The following CCSER1 variants were observed in gnomAD, a reference collection of about 807,000 sequenced individuals.
CCSER1 encodes serine-rich coiled-coil domain-containing protein 1.
CCSER1 carries 41 observed loss-of-function variants against 82.0 expected under a neutral mutation model. The ratio of observed to expected loss-of-function variants is 0.50; its 90% CI spans 0.39 to 0.65. The LOEUF is 0.65. Ranked by LOEUF, CCSER1 falls within the 30% of genes least tolerant of loss-of-function variation. CCSER1 has a pLI of 0.00. For synonymous variants in CCSER1, 414 were observed against 383.9 expected (o/e 1.08, Z -0.92); for missense variants, 1,119 against 1,064.2 (o/e 1.05, Z -0.72).
At chr4:91,121,162 C>A (rs1727057217) in intron 10 of CCSER1, among the ~76,000 whole-genome samples, 1 of 151,334 alleles carries the variant, frequency 6.6e-6, no homozygotes, top group Non-Finnish European at 1.5e-5. Flanking sequence ...ATATTCATCC[C>A]TCCCCTGCTC....
intron 5 of CCSER1, among the ~76,000 whole-genome samples, chr4:90,477,484 A>G (rs1240478122): frequency 1.3e-5 from 2 of 152,224 alleles, no homozygotes; most frequent in Non-Finnish European, 2.9e-5. Flanking sequence ...ACCAGATTTA[A>G]TATCTCTTGA....
At chr4:90,630,761 G>A (rs1187178990) in intron 6 of CCSER1, among the ~76,000 whole-genome samples, 2 of 151,498 alleles carry the variant, frequency 1.3e-5, no homozygotes, top group Non-Finnish European at 2.9e-5. Context: ...CTAAATTGGA[G>A]TTTAATATCA....
rs147592126 is a variant in CCSER1, at chr4:91,583,513, G to A, written c.2218-15059G>A. On this transcript the variant is annotated intron_variant, in intron 10 of 10. Coordinates refer to ENST00000509176, the MANE Select transcript of CCSER1 (RefSeq NM_001145065.2). ...TATGATATGTTCTGAGTTAAAACAAGGTGTACTACTCTAAGGACACACGCA... is the reference window on the plus strand; with the variant it reads ...TATGATATGTTCTGAGTTAAAACAAAGTGTACTACTCTAAGGACACACGCA... Among the ~76,000 whole-genome samples, 603 of 151,310 alleles carry A rather than the reference G, an allele frequency of 4.0e-3. 8 individuals are homozygous for A. Among genetic ancestry groups the A allele is most frequent in the South Asian group, 0.021 (100 of 4,822 alleles).
chr4:91,132,868 A>G (rs950533251), intron 10 of CCSER1, among the ~76,000 whole-genome samples: 2 of 152,198 alleles, frequency 1.3e-5, no homozygotes, highest in South Asian at 4.1e-4. Flanking sequence ...GAGACTTATG[A>G]TTCCTTACTC....
intron 4 of CCSER1, among the ~76,000 whole-genome samples, chr4:90,430,338 A>G (rs780339165): frequency 4.6e-5 from 7 of 151,922 alleles, no homozygotes; most frequent in African/African-American, 9.7e-5. Context: ...AAAGAGGGCA[A>G]AACTCACTGT....
intron 10 of CCSER1, among the ~76,000 whole-genome samples, chr4:91,121,035 A>T (rs1426498071): frequency 6.6e-6 from 1 of 151,910 alleles, no homozygotes; most frequent in Non-Finnish European, 1.5e-5. Context: ...GATGTTTAAT[A>T]AAAAACATTT....
intron 6 of CCSER1, among the ~76,000 whole-genome samples, chr4:90,715,031 G>T (rs1373611205): frequency 6.6e-6 from 1 of 151,884 alleles, no homozygotes; most frequent in Non-Finnish European, 1.5e-5. Context: ...ACCATAACTT[G>T]ATGTTAGCAT....
At chr4:91,459,513 G>A (rs1400065730) in intron 10 of CCSER1, among the ~76,000 whole-genome samples, 1 of 152,126 alleles carries the variant, frequency 6.6e-6, no homozygotes, top group Non-Finnish European at 1.5e-5. Flanking sequence ...CAAGACCGAA[G>A]AGCTGTGATA....
intron 5 of CCSER1, among the ~76,000 whole-genome samples, chr4:90,623,179 C>G (rs1722665952): frequency 6.6e-6 from 1 of 151,574 alleles, no homozygotes; most frequent in Admixed American, 6.6e-5. Flanking sequence ...AGGCACCCGC[C>G]ACCACTCCCG....
chr4:91,055,447 C>G (rs2148720080), intron 9 of CCSER1, among the ~76,000 whole-genome samples: 1 of 152,076 alleles, frequency 6.6e-6, no homozygotes, highest in African/African-American at 2.4e-5. Context: ...GTTTTTCTTT[C>G]AGTATTTTAG....
In CCSER1 at chr4:91,306,937, G is replaced by A. The variant is rs114986866; in HGVS notation, c.2217+220943G>A. 2.2e-3 allele frequency among the ~76,000 whole-genome samples: 341 copies of A among 152,024 alleles called. 1 individual carries two copies. The highest frequency in any genetic ancestry group is 3.2e-3 in the Non-Finnish European group (218 of 67,904). Reference sequence around the variant, plus strand: ...ATTAAAGGCACATAATGACTGAGATGCTGGTGTCATCTAAAGAACATTCAG... The same window carrying A: ...ATTAAAGGCACATAATGACTGAGATACTGGTGTCATCTAAAGAACATTCAG... On this transcript the variant is annotated intron_variant, in intron 10 of 10. Transcript: ENST00000509176.
At chr4:90,491,381 T>C (rs1225057585) in intron 5 of CCSER1, among the ~76,000 whole-genome samples, 1 of 152,098 alleles carries the variant, frequency 6.6e-6, no homozygotes, top group Non-Finnish European at 1.5e-5. Flanking sequence ...ATCCTGAGAC[T>C]GCTGAATTTG....
chr4:90,870,372 A>G (rs1251777908), intron 8 of CCSER1, among the ~76,000 whole-genome samples: 1 of 151,830 alleles, frequency 6.6e-6, no homozygotes, highest in Admixed American at 6.6e-5. Context: ...TTTCTTATTT[A>G]CCCAGTTTTT....
rs142777706 is a variant in CCSER1, at chr4:90,670,384, G to A, written c.1932+42152G>A. On this transcript the variant is annotated intron_variant, in intron 6 of 10. Coordinates refer to ENST00000509176, the MANE Select transcript of CCSER1 (RefSeq NM_001145065.2). Reference sequence around the variant, plus strand: ...TCAGGGGAATTCACTAAAGCAAGAAGGTGGTTTTCACTGCAGTCTAGATTC... The same window carrying A: ...TCAGGGGAATTCACTAAAGCAAGAAAGTGGTTTTCACTGCAGTCTAGATTC... 7.9e-5 allele frequency among the ~76,000 whole-genome samples: 12 copies of A among 152,176 alleles called. No homozygotes were observed. The East Asian group carries it at 2.3e-3, about 29-fold the overall frequency.
At chr4:90,945,891 G>GAAAGCTATA (rs1732181468) in intron 9 of CCSER1, among the ~76,000 whole-genome samples, 1 of 151,864 alleles carries the variant, frequency 6.6e-6, no homozygotes, top group South Asian at 2.1e-4. Context: ...TGATCCTCAC[G>GAAAGCTATA]AAAGCTATAA....
intron 5 of CCSER1, among the ~76,000 whole-genome samples, chr4:90,517,525 T>C (rs1560646502): frequency 6.6e-6 from 1 of 152,014 alleles, no homozygotes; most frequent in Non-Finnish European, 1.5e-5. Flanking sequence ...TGTTGACCAA[T>C]AATTTAGTTT....
chr4:90,898,269 CTTTTT>C (rs70963094), intron 8 of CCSER1, among the ~76,000 whole-genome samples: 67 of 52,502 alleles, frequency 1.3e-3, no homozygotes, highest in Non-Finnish European at 2.1e-3. Flanking sequence ...TTTAATCCAT[CTTTTT>C]TTTTTTTTTT....
chr4:91,120,100 ACTT>A (rs1416423178), intron 10 of CCSER1, among the ~76,000 whole-genome samples: 1 of 152,002 alleles, frequency 6.6e-6, no homozygotes, highest in Non-Finnish European at 1.5e-5. Flanking sequence ...AGATTAGAAT[ACTT>A]CGATTGTTTA....
intron 1 of CCSER1, among the ~76,000 whole-genome samples, chr4:90,151,542 C>T (rs1384719002): frequency 6.6e-6 from 1 of 151,954 alleles, no homozygotes; most frequent in African/African-American, 2.4e-5. Context: ...ATTTAATATA[C>T]ACCCTTTTTC....
Sources: allele counts gnomAD v4.1 joint callset (sites outside exome capture counted in the v4.1 genomes callset), GRCh38; gene constraint gnomAD v4.1.1; transcripts MANE v1.5; gene names NCBI Gene and HGNC (gene_info 2026-07-23, HGNC 2026-07-21).